CPQ: variants seen among roughly 807,000 people sequenced by gnomAD.
CPQ encodes the protein carboxypeptidase Q.
A neutral mutation model predicts 45.7 loss-of-function variants in CPQ; 37 were observed. The observed-to-expected ratio is 0.81, with a 90% CI of 0.62 to 1.07. CPQ has a LOEUF of 1.07. CPQ is among the 50% of genes least tolerant of loss of function. The pLI, the probability that CPQ is intolerant of heterozygous loss-of-function variation, is 0.00. For synonymous variants in CPQ, 186 were observed against 205.8 expected (o/e 0.90, Z 0.82); for missense variants, 537 against 572.9 (o/e 0.94, Z 0.64).
chr8:96,724,490 GACACACACACACAC>G (rs146087978), intron 1 of CPQ, among the ~76,000 whole-genome samples: 5 of 144,788 alleles, frequency 3.5e-5, no homozygotes, highest in South Asian at 4.5e-4. Flanking sequence ...ATTTAGAGTA[GACACACACACACAC>G]ACACACACAC....
intron 1 of CPQ, among the ~76,000 whole-genome samples, chr8:96,682,426 C>T (rs1809164508): frequency 6.6e-6 from 1 of 152,210 alleles, no homozygotes; most frequent in Non-Finnish European, 1.5e-5. Flanking sequence ...CTTCTCCTTG[C>T]CTTCTGCCAT....
chr8:96,903,995 C>T (rs902252159), intron 4 of CPQ, among the ~76,000 whole-genome samples: 1 of 152,140 alleles, frequency 6.6e-6, no homozygotes, highest in Non-Finnish European at 1.5e-5. Flanking sequence ...GACCAAAATA[C>T]CACAGGCCTC....
intron 3 of CPQ, among the ~76,000 whole-genome samples, chr8:96,870,352 A>G (rs568175143): frequency 6.6e-6 from 1 of 152,164 alleles, no homozygotes; most frequent in East Asian, 1.9e-4. Flanking sequence ...ATTGGCACCT[A>G]TCTCAGAATT....
chr8:96,803,056 A>AC (rs1200555992), intron 2 of CPQ, among the ~76,000 whole-genome samples: 2 of 151,988 alleles, frequency 1.3e-5, no homozygotes, highest in African/African-American at 4.8e-5. Context: ...CTCATGATTT[A>AC]CCATCTACCA....
chr8:96,956,206 T>A (rs1813354896), intron 4 of CPQ, among the ~76,000 whole-genome samples: 10 of 152,214 alleles, frequency 6.6e-5, no homozygotes, highest in Admixed American at 6.5e-4. Context: ...ACTTTCAGTC[T>A]AAGCTAATTT....
At chr8:96,811,476 T>G (rs1811160880) in intron 2 of CPQ, among the ~76,000 whole-genome samples, 1 of 152,124 alleles carries the variant, frequency 6.6e-6, no homozygotes, top group Admixed American at 6.6e-5. Flanking sequence ...AAAGTGATAT[T>G]ATAGATAATG....
intron 5 of CPQ, among the ~76,000 whole-genome samples, chr8:97,015,830 T>A (rs1323218554): frequency 6.6e-6 from 1 of 152,148 alleles, no homozygotes; most frequent in African/African-American, 2.4e-5. Context: ...TGAACATTAT[T>A]GATTATAATA....
chr8:96,951,854 T>TG (rs1436479603), intron 4 of CPQ, among the ~76,000 whole-genome samples: 2 of 64,438 alleles, frequency 3.1e-5, no homozygotes, highest in Admixed American at 1.7e-4. Context: ...GAGAGAATTG[T>TG]TTTTTTTTTG....
intron 3 of CPQ, among the ~76,000 whole-genome samples, chr8:96,849,148 CAGGAATTCTGATAAATT>C (rs1811738805): frequency 1.3e-5 from 2 of 152,182 alleles, no homozygotes; most frequent in South Asian, 4.1e-4. Flanking sequence ...TCTACAATCA[CAGGAATTCTGATAAATT>C]CTATTTTGCA....
In CPQ at chr8:97,143,235, G is replaced by A. The variant is rs765150726; in HGVS notation, c.*52G>A. 2.5e-6 allele frequency: 4 copies of A among 1,582,586 alleles called. No individual in the cohort carries two copies. Among genetic ancestry groups the A allele is most frequent in the Non-Finnish European group, 2.6e-6 (3 of 1,159,936 alleles). On this transcript the variant is annotated 3_prime_UTR_variant, in exon 8 of 8. Coordinates refer to ENST00000220763, the MANE Select transcript of CPQ (RefSeq NM_016134.4). The stretch of plus-strand genomic sequence containing the variant: ...GCTTCTGGCCAGGAATCCTGGGTCT[G>A]CAACTTTGGAAAACTCCTCTTCACA...
rs191988759 is a variant in CPQ, at chr8:96,777,476, A to G, written c.-34-7388A>G. ...GATCTTCACTACCCGCTGTCTCCTT[A>G]GCACAGAGAATTCATCCATTGCCAC... On this transcript the variant is annotated intron_variant, in intron 1 of 7. Transcript: ENST00000220763. 3.7e-3 allele frequency among the ~76,000 whole-genome samples: 565 copies of G among 152,100 alleles called. 8 individuals are homozygous for G. Among genetic ancestry groups the G allele is most frequent in the Admixed American group, 0.011 (172 of 15,276 alleles).
chr8:96,871,226 A>T (rs1041310749), intron 3 of CPQ, among the ~76,000 whole-genome samples: 1 of 152,038 alleles, frequency 6.6e-6, no homozygotes, highest in Non-Finnish European at 1.5e-5. Context: ...CCTCAAAGGC[A>T]GAGAAGAGGT....
chr8:97,092,185 T>A (rs527325772), intron 7 of CPQ, among the ~76,000 whole-genome samples: 1 of 152,292 alleles, frequency 6.6e-6, no homozygotes, highest in South Asian at 2.1e-4. Context: ...AAAACTCCAG[T>A]AGAAAACTGT....
chr8:97,019,522 G>A (rs73281736), intron 5 of CPQ, among the ~76,000 whole-genome samples: 2 of 152,068 alleles, frequency 1.3e-5, no homozygotes, highest in East Asian at 3.9e-4. Context: ...TAAGGTAAAC[G>A]GATAGAAAAA....
In CPQ at chr8:97,123,143, TAAAATAAATAAAATA is replaced by T. The variant is rs1811772891; in HGVS notation, c.1256-19873_1256-19859del. ...ATAAAATAAATAAAATAAAATAAAATAAAATAAATAAAATAAAATAAAATAAAATAAAATATAAAA... is the reference window on the plus strand; with the variant it reads ...ATAAAATAAATAAAATAAAATAAAATAAATAAAATAAAATAAAATATAAAA... On this transcript the variant is annotated intron_variant, in intron 7 of 7. Coordinates refer to ENST00000220763, the MANE Select transcript of CPQ (RefSeq NM_016134.4). Among the ~76,000 whole-genome samples the T allele has an allele frequency of 1.9e-4, 8 of 41,982 alleles. 1 individual carries two copies. The highest frequency in any genetic ancestry group is 9.8e-4 in the African/African-American group (8 of 8,190). 27.5% of individuals were successfully genotyped at this position (41,982 alleles called of 152,430 possible). A position where few individuals can be genotyped will look rare whatever the true frequency, so the allele number is the denominator to read the frequency against.
chr8:96,836,744 T>G (rs1169770986), intron 3 of CPQ, among the ~76,000 whole-genome samples: 1 of 152,046 alleles, frequency 6.6e-6, no homozygotes, highest in Non-Finnish European at 1.5e-5. Flanking sequence ...ATAAGACTAA[T>G]AAATTCCCAA....
chr8:97,035,352 T>A (rs1460051832), intron 6 of CPQ, among the ~76,000 whole-genome samples: 1 of 152,226 alleles, frequency 6.6e-6, no homozygotes, highest in Non-Finnish European at 1.5e-5. Context: ...TGTACAAATC[T>A]CTGGGTGGAC....
At chr8:96,954,188 A>G (rs980323870) in intron 4 of CPQ, among the ~76,000 whole-genome samples, 1 of 152,174 alleles carries the variant, frequency 6.6e-6, no homozygotes, top group Non-Finnish European at 1.5e-5. Flanking sequence ...ATTAAATTTT[A>G]AAATACATGT....
intron 1 of CPQ, among the ~76,000 whole-genome samples, chr8:96,660,028 A>G (rs1815681549): frequency 6.6e-6 from 1 of 152,210 alleles, no homozygotes; most frequent in Non-Finnish European, 1.5e-5. Flanking sequence ...TTGGCATTTA[A>G]GGTTCTTAAA....
Sources: gnomAD v4.1 joint callset for allele counts (sites outside exome capture counted in the v4.1 genomes callset) on GRCh38, gnomAD v4.1.1 for gene constraint, MANE v1.5 for transcripts, NCBI Gene and HGNC (gene_info 2026-07-23, HGNC 2026-07-21) for gene names.